Variants in EIPR1 observed in about 807,000 individuals in gnomAD.
EIPR1 encodes the protein EARP complex and GARP complex interacting protein 1, also known as EARP and GARP complex-interacting protein 1.
Under a neutral mutation model 48.1 loss-of-function variants are expected in EIPR1, and 25 were observed. The observed-to-expected ratio is 0.52, with a 90% CI of 0.38 to 0.73. The LOEUF (loss-of-function observed/expected upper bound fraction) is 0.73, where lower values mean the gene tolerates loss of function less well. Ranked by LOEUF, EIPR1 falls within the 30% of genes least tolerant of loss-of-function variation. The pLI, the probability that EIPR1 is intolerant of heterozygous loss-of-function variation, is 0.00. For synonymous variants in EIPR1, 204 were observed against 201.9 expected (o/e 1.01, Z -0.09); for missense variants, 415 against 506.2 (o/e 0.82, Z 1.73).
intron 3 of EIPR1, among the ~76,000 whole-genome samples, chr2:3,265,006 T>C (rs560117234): frequency 1.1e-5 from 1 of 89,436 alleles, no homozygotes; most frequent in Admixed American, 1.2e-4. Context: ...TTCTAAAAAT[T>C]GGTAACTAAA....
At chr2:3,200,588 G>A (rs1026660400) in intron 5 of EIPR1, among the ~76,000 whole-genome samples, 1 of 152,056 alleles carries the variant, frequency 6.6e-6, no homozygotes, top group Non-Finnish European at 1.5e-5. Context: ...AGAGGAGGAG[G>A]TGGGAGCAGC....
intron 1 of EIPR1, among the ~76,000 whole-genome samples, chr2:3,373,413 G>A (rs528648321): frequency 2.6e-5 from 4 of 152,214 alleles, no homozygotes; most frequent in East Asian, 1.9e-4. Flanking sequence ...AAGGCTATTC[G>A]ATTAGGAAAA....
intron 3 of EIPR1, among the ~76,000 whole-genome samples, chr2:3,310,722 A>G (rs1420771103): frequency 6.6e-6 from 1 of 151,502 alleles, no homozygotes; most frequent in African/African-American, 2.4e-5. Flanking sequence ...TTGTAGTAAG[A>G]CTGCCTTATA....
At chr2:3,314,244 A>C (rs1029228533) in intron 3 of EIPR1, among the ~76,000 whole-genome samples, 2 of 152,142 alleles carry the variant, frequency 1.3e-5, no homozygotes, top group Non-Finnish European at 2.9e-5. Context: ...CTCGTTCCCA[A>C]GTACAGAGGC....
chr2:3,321,352 T>C (rs1011819328), intron 3 of EIPR1, among the ~76,000 whole-genome samples: 3 of 152,216 alleles, frequency 2.0e-5, no homozygotes, highest in African/African-American at 7.2e-5. Context: ...GCCGGCATGC[T>C]TGAGAAATGT....
chr2:3,299,111 G>C (rs1178799074), intron 3 of EIPR1, among the ~76,000 whole-genome samples: 1 of 152,186 alleles, frequency 6.6e-6, no homozygotes, highest in African/African-American at 2.4e-5. Flanking sequence ...TTTTTCAAAA[G>C]TAATGAGATG....
At chr2:3,295,904 T>TACAC (rs1668563805) in intron 3 of EIPR1, among the ~76,000 whole-genome samples, 2 of 80,980 alleles carry the variant, frequency 2.5e-5, no homozygotes, top group South Asian at 4.9e-4. Flanking sequence ...ATTCTCTCTT[T>TACAC]ACACACCCTC....
intron 4 of EIPR1, among the ~76,000 whole-genome samples, chr2:3,240,560 C>T (rs1250699631): frequency 2.0e-5 from 3 of 148,934 alleles, no homozygotes; most frequent in Admixed American, 1.3e-4. Flanking sequence ...GCCAGTAGAT[C>T]CCTCCTAAAG....
intron 3 of EIPR1, among the ~76,000 whole-genome samples, chr2:3,260,926 AAG>A (rs1162633967): frequency 6.6e-6 from 1 of 152,242 alleles, no homozygotes; most frequent in Non-Finnish European, 1.5e-5. Flanking sequence ...ATTGTGAAAA[AAG>A]AGTGTAAAAC....
intron 3 of EIPR1, among the ~76,000 whole-genome samples, chr2:3,327,861 A>AT (rs113905521): frequency 0.19 from 28,501 of 149,728 alleles, 4,641 homozygotes; most frequent in East Asian, 0.57. Flanking sequence ...ACTATCCTGT[A>AT]TTTTTTTTTT....
intron 7 of EIPR1, among the ~76,000 whole-genome samples, chr2:3,193,001 C>T (rs2103103419): frequency 6.6e-6 from 1 of 152,336 alleles, no homozygotes; most frequent in Non-Finnish European, 1.5e-5. Flanking sequence ...TGGCGGCCTC[C>T]CGGGGCACAA....
intron 4 of EIPR1, among the ~76,000 whole-genome samples, chr2:3,218,913 C>T (rs1431554174): frequency 6.7e-6 from 1 of 149,646 alleles, no homozygotes; most frequent in Non-Finnish European, 1.5e-5. Flanking sequence ...CCCAACACGG[C>T]CCCGATACGC....
chr2:3,211,526 T>C (rs943817020), intron 5 of EIPR1, among the ~76,000 whole-genome samples: 2 of 152,204 alleles, frequency 1.3e-5, no homozygotes, highest in Non-Finnish European at 2.9e-5. Flanking sequence ...GCAAGGACCA[T>C]GCTGCTGTCG....
intron 3 of EIPR1, among the ~76,000 whole-genome samples, chr2:3,335,905 T>TA (rs1263035760): frequency 6.6e-6 from 1 of 152,148 alleles, no homozygotes; most frequent in African/African-American, 2.4e-5. Flanking sequence ...CTTCATAAAT[T>TA]ACCCAGTCCC....
chr2:3,346,277 A>T (rs1281820951), intron 2 of EIPR1, among the ~76,000 whole-genome samples: 1 of 152,214 alleles, frequency 6.6e-6, no homozygotes, highest in African/African-American at 2.4e-5. Context: ...GACACCAGGG[A>T]ATCTGATGGA....
chr2:3,207,091 G>A (rs1665261982), intron 5 of EIPR1, among the ~76,000 whole-genome samples: 1 of 152,148 alleles, frequency 6.6e-6, no homozygotes, highest in South Asian at 2.1e-4. Context: ...CCACGGCCCA[G>A]TGTTGGAGAT....
At chr2:3,314,621 C>T (rs1254595351) in intron 3 of EIPR1, among the ~76,000 whole-genome samples, 2 of 151,550 alleles carry the variant, frequency 1.3e-5, no homozygotes, top group Non-Finnish European at 2.9e-5. Context: ...GTCTCACTCA[C>T]CGGCCAGCCT....
At chr2:3,288,573 G>A (rs1668275951) in intron 3 of EIPR1, among the ~76,000 whole-genome samples, 1 of 152,170 alleles carries the variant, frequency 6.6e-6, no homozygotes, top group Non-Finnish European at 1.5e-5. Context: ...GTGTCACTGT[G>A]GCCCTTACAG....
At chr2:3,369,626 C>T (rs1409009041) in intron 1 of EIPR1, among the ~76,000 whole-genome samples, 1 of 152,228 alleles carries the variant, frequency 6.6e-6, no homozygotes, top group Non-Finnish European at 1.5e-5. Context: ...CGGAGTCTCG[C>T]TGATTGCTAG....
Sources: allele counts gnomAD v4.1 joint callset (sites outside exome capture counted in the v4.1 genomes callset), GRCh38; gene constraint gnomAD v4.1.1; transcripts MANE v1.5; gene names NCBI Gene and HGNC (gene_info 2026-07-23, HGNC 2026-07-21).